The following NELL1 variants were observed in gnomAD, a reference collection of about 807,000 sequenced individuals.
The protein encoded by NELL1 is protein kinase C-binding protein NELL1.
In NELL1, 76 loss-of-function variants were observed where a neutral mutation model predicts 107.4. The observed-to-expected ratio is 0.71, with a 90% CI of 0.59 to 0.86. The LOEUF (loss-of-function observed/expected upper bound fraction) is 0.86. Ranked by LOEUF, NELL1 falls within the 40% of genes least tolerant of loss-of-function variation. The pLI is 0.00. For missense variants in NELL1, 1,024 were observed against 1,005.5 expected (o/e 1.02, Z -0.25); for synonymous variants, 353 against 341.2 (o/e 1.03, Z -0.38).
intron 12 of NELL1, among the ~76,000 whole-genome samples, chr11:21,108,870 C>G (rs1033457713): frequency 6.6e-6 from 1 of 152,088 alleles, no homozygotes; most frequent in East Asian, 1.9e-4. Flanking sequence ...GCCTTGCACA[C>G]GGATATAGAA....
intron 12 of NELL1, among the ~76,000 whole-genome samples, chr11:21,051,347 G>A (rs984001358): frequency 6.6e-6 from 1 of 152,034 alleles, no homozygotes; most frequent in Non-Finnish European, 1.5e-5. Flanking sequence ...GGACACAAAG[G>A]CATAAGAAGT....
intron 15 of NELL1, among the ~76,000 whole-genome samples, chr11:21,525,210 CAG>C (rs1855820597): frequency 6.6e-6 from 1 of 152,132 alleles, no homozygotes; most frequent in African/African-American, 2.4e-5. Flanking sequence ...TTGTTTTGTG[CAG>C]AGTCACTGAA....
chr11:21,436,934 T>G (rs796761392), intron 15 of NELL1, among the ~76,000 whole-genome samples: 9 of 152,314 alleles, frequency 5.9e-5, no homozygotes, highest in African/African-American at 2.2e-4. Context: ...AGAGTTACTC[T>G]TTCATTGATT....
chr11:20,975,628 T>A (rs1419821453), intron 12 of NELL1, among the ~76,000 whole-genome samples: 1 of 139,618 alleles, frequency 7.2e-6, no homozygotes, highest in Non-Finnish European at 1.5e-5. Flanking sequence ...GTAGATATAA[T>A]ACATATATGT....
chr11:21,558,545 A>C (rs1031292796), intron 16 of NELL1, among the ~76,000 whole-genome samples: 1 of 151,954 alleles, frequency 6.6e-6, no homozygotes, highest in Non-Finnish European at 1.5e-5. Context: ...TTTAACTGAA[A>C]TTTTGTATTC....
At chr11:21,360,559 G>T (rs1010779421) in intron 14 of NELL1, among the ~76,000 whole-genome samples, 3 of 152,024 alleles carry the variant, frequency 2.0e-5, no homozygotes, top group African/African-American at 7.2e-5. Flanking sequence ...TTTCCATCTT[G>T]ATAATCTGTC....
chr11:20,741,507 C>T (rs1383487274), intron 2 of NELL1, among the ~76,000 whole-genome samples: 1 of 152,002 alleles, frequency 6.6e-6, no homozygotes, highest in Non-Finnish European at 1.5e-5. Context: ...TTTAATATTC[C>T]TGATTAGGAT....
chr11:20,716,114 T>C (rs1183198976), intron 2 of NELL1, among the ~76,000 whole-genome samples: 3 of 152,228 alleles, frequency 2.0e-5, no homozygotes, highest in Non-Finnish European at 4.4e-5. Flanking sequence ...GCACATGTAG[T>C]GATAAGCTAG....
chr11:20,907,232 C>CAAAAAAA (rs5790146), intron 5 of NELL1, among the ~76,000 whole-genome samples: 3 of 124,916 alleles, frequency 2.4e-5, no homozygotes, highest in African/African-American at 2.9e-5. Context: ...GACTCCATCT[C>CAAAAAAA]AAAAAAAAAA....
At chr11:20,699,821 G>T (rs1035713187) in intron 2 of NELL1, among the ~76,000 whole-genome samples, 20 of 152,236 alleles carry the variant, frequency 1.3e-4, no homozygotes, top group African/African-American at 4.3e-4. Context: ...TGGATCAAAT[G>T]GTAGTTCTAC....
chr11:21,423,564 A>G (rs1473023539), intron 15 of NELL1, among the ~76,000 whole-genome samples: 1 of 152,182 alleles, frequency 6.6e-6, no homozygotes, highest in Non-Finnish European at 1.5e-5. Flanking sequence ...TCAGTAAAGG[A>G]TAATACCACC....
At chr11:20,863,205 C>T (rs530568839) in intron 4 of NELL1, among the ~76,000 whole-genome samples, 27 of 137,424 alleles carry the variant, frequency 2.0e-4, no homozygotes, top group African/African-American at 6.0e-4. Flanking sequence ...ACCTCCCGGA[C>T]GGGGCCGCAG....
chr11:21,396,614 A>G (rs1851986499), intron 15 of NELL1, among the ~76,000 whole-genome samples: 1 of 151,644 alleles, frequency 6.6e-6, no homozygotes, highest in East Asian at 2.0e-4. Flanking sequence ...GGGAGATAAG[A>G]GAGGCACATA....
intron 13 of NELL1, among the ~76,000 whole-genome samples, chr11:21,116,360 AC>A (rs988094802): frequency 1.3e-5 from 2 of 151,608 alleles, no homozygotes; most frequent in African/African-American, 4.8e-5. Context: ...TCCCCTGTTT[AC>A]CTATAGGTTC....
At chr11:21,508,706 G>C (rs12574280) in intron 15 of NELL1, among the ~76,000 whole-genome samples, 1 of 151,738 alleles carries the variant, frequency 6.6e-6, no homozygotes, top group Non-Finnish European at 1.5e-5. Flanking sequence ...TAATGTACCA[G>C]TGTAATTCCT....
intron 15 of NELL1, among the ~76,000 whole-genome samples, chr11:21,484,855 T>C (rs1854586191): frequency 6.6e-6 from 1 of 152,108 alleles, no homozygotes; most frequent in Admixed American, 6.6e-5. Flanking sequence ...ACACATGTCT[T>C]CCATGGAGAG....
intron 16 of NELL1, among the ~76,000 whole-genome samples, chr11:21,548,527 A>T (rs1856497081): frequency 6.6e-6 from 1 of 151,862 alleles, no homozygotes; most frequent in Non-Finnish European, 1.5e-5. Flanking sequence ...GAAACCCCTT[A>T]TAAAACCATC....
chr11:21,034,539 A>G (rs765838120), intron 12 of NELL1, among the ~76,000 whole-genome samples: 1 of 152,206 alleles, frequency 6.6e-6, no homozygotes, highest in African/African-American at 2.4e-5. Flanking sequence ...TGAAATCATA[A>G]CAAACAATCT....
intron 13 of NELL1, among the ~76,000 whole-genome samples, chr11:21,131,331 C>A (rs1438909985): frequency 6.6e-6 from 1 of 152,136 alleles, no homozygotes; most frequent in Non-Finnish European, 1.5e-5. Flanking sequence ...TCATTTGTGT[C>A]AGCATTCACC....
Sources: allele counts gnomAD v4.1 joint callset (sites outside exome capture counted in the v4.1 genomes callset), GRCh38; gene constraint gnomAD v4.1.1; transcripts MANE v1.5; gene names NCBI Gene and HGNC (gene_info 2026-07-23, HGNC 2026-07-21).